The following METTL15 variants were observed in gnomAD, a reference collection of about 807,000 sequenced individuals.
The protein encoded by METTL15 is 12S rRNA N(4)-cytidine methyltransferase METTL15.
Under a neutral mutation model 38.3 loss-of-function variants are expected in METTL15, and 34 were observed. That is an observed-to-expected ratio of 0.89 (90% CI 0.68 to 1.18). The LOEUF (loss-of-function observed/expected upper bound fraction) is 1.18, where lower values mean the gene tolerates loss of function less well. Ranked by LOEUF, METTL15 falls within the 50% of genes most tolerant of loss-of-function variation. The probability of loss-of-function intolerance (pLI) is 0.00; values close to 1 mark genes in which losing one functional copy is unlikely to be tolerated. For synonymous variants in METTL15, 162 were observed against 170.9 expected (o/e 0.95, Z 0.41); for missense variants, 438 against 498.4 (o/e 0.88, Z 1.15).
chr11:28,346,401 CA>C lies in METTL15; in HGVS notation c.*190-5684del, dbSNP rs749715853. On this transcript the variant is annotated intron_variant and NMD_transcript_variant, in intron 3 of 7. Coordinates refer to the METTL15 transcript ENST00000532947. ...TTACAGTGTTAATTGCATTACTCAC[CA>C]AAAATGCAATGAGTCATATTTTATA... Among the ~76,000 whole-genome samples, 5 of 152,108 alleles carry C rather than the reference CA, an allele frequency of 3.3e-5. No individual in the cohort carries two copies. The South Asian group carries it at 8.3e-4, about 25-fold the overall frequency.
intron 4 of METTL15, among the ~76,000 whole-genome samples, chr11:28,230,365 G>T (rs1853638585): frequency 6.6e-6 from 1 of 151,800 alleles, no homozygotes; most frequent in South Asian, 2.1e-4. Flanking sequence ...TATTTGAAAT[G>T]CAAATGATAT....
intron 6 of METTL15, among the ~76,000 whole-genome samples, chr11:28,474,518 A>C (rs189777627): frequency 1.6e-3 from 251 of 152,276 alleles, no homozygotes; most frequent in African/African-American, 5.7e-3. Context: ...CCCAAGCAGC[A>C]AAATCCAGCT....
chr11:28,146,575 A>G (rs556312580), intron 3 of METTL15, among the ~76,000 whole-genome samples: 1 of 152,072 alleles, frequency 6.6e-6, no homozygotes, highest in South Asian at 2.1e-4. Context: ...GAATCCTGTA[A>G]TGAACCCTGT....
intron 3 of METTL15, among the ~76,000 whole-genome samples, chr11:28,197,738 A>G (rs968392574): frequency 3.9e-5 from 6 of 152,092 alleles, no homozygotes; most frequent in African/African-American, 1.4e-4. Context: ...GCACACATAG[A>G]CACTCTGGGT....
chr11:28,525,009 T>A (rs1851797379), intron 6 of METTL15, among the ~76,000 whole-genome samples: 1 of 152,022 alleles, frequency 6.6e-6, no homozygotes, highest in Admixed American at 6.6e-5. Context: ...GCGGTGAGTG[T>A]TACAGTTCTT....
chr11:28,422,311 A>G (rs1850827340), intron 5 of METTL15, among the ~76,000 whole-genome samples: 1 of 152,062 alleles, frequency 6.6e-6, no homozygotes, highest in South Asian at 2.1e-4. Flanking sequence ...TACCAATGAC[A>G]TTCTTCACAG....
intron 4 of METTL15, among the ~76,000 whole-genome samples, chr11:28,246,335 T>C (rs1157493265): frequency 1.3e-5 from 2 of 152,180 alleles, no homozygotes; most frequent in Non-Finnish European, 2.9e-5. Flanking sequence ...ATTTATCCTT[T>C]TATTTAGTAT....
At chr11:28,292,186 C>T (rs1856543809) in intron 5 of METTL15, among the ~76,000 whole-genome samples, 1 of 149,304 alleles carries the variant, frequency 6.7e-6, no homozygotes, top group Non-Finnish European at 1.5e-5. Context: ...TTAGGTATAT[C>T]TCCTAATGCT....
At chr11:28,272,744 C>G (rs976537941) in intron 4 of METTL15, among the ~76,000 whole-genome samples, 2 of 152,110 alleles carry the variant, frequency 1.3e-5, no homozygotes, top group Non-Finnish European at 2.9e-5. Context: ...ATTACTATAT[C>G]AAGCAGTTGC....
At chr11:28,206,461 G>A (rs965793710) in intron 3 of METTL15, among the ~76,000 whole-genome samples, 10 of 151,996 alleles carry the variant, frequency 6.6e-5, no homozygotes, top group East Asian at 1.9e-4. Flanking sequence ...TGTTCCATTG[G>A]TCTATATCTC....
At chr11:28,307,077 T>G (rs1195720540) in intron 6 of METTL15, among the ~76,000 whole-genome samples, 1 of 151,960 alleles carries the variant, frequency 6.6e-6, no homozygotes, top group Non-Finnish European at 1.5e-5. Flanking sequence ...ATCACTGTAA[T>G]CTTCAGATGA....
At chr11:28,405,286 A>G (rs1850664222) in intron 5 of METTL15, among the ~76,000 whole-genome samples, 1 of 152,212 alleles carries the variant, frequency 6.6e-6, no homozygotes. Context: ...TAACAGGAAT[A>G]TAGATCAATC....
chr11:28,425,445 A>T (rs1850855485), intron 6 of METTL15, among the ~76,000 whole-genome samples: 1 of 152,162 alleles, frequency 6.6e-6, no homozygotes, highest in Non-Finnish European at 1.5e-5. Context: ...ATCGTTTTAT[A>T]TACTCTAAAC....
intron 4 of METTL15, among the ~76,000 whole-genome samples, chr11:28,242,198 C>A (rs1381648064): frequency 6.6e-6 from 1 of 152,158 alleles, no homozygotes; most frequent in Non-Finnish European, 1.5e-5. Context: ...TTAGCATATA[C>A]TTATTTGTCA....
intron 4 of METTL15, among the ~76,000 whole-genome samples, chr11:28,217,940 C>G (rs1369678757): frequency 2.0e-5 from 3 of 152,066 alleles, no homozygotes; most frequent in Non-Finnish European, 2.9e-5. Context: ...GTACCAGTAC[C>G]ATGCTGTTTT....
At chr11:28,480,310 C>T (rs556005869) in intron 6 of METTL15, among the ~76,000 whole-genome samples, 13 of 152,266 alleles carry the variant, frequency 8.5e-5, no homozygotes, top group Admixed American at 2.6e-4. Context: ...ACCAACACAA[C>T]GTTACTGAAT....
intron 3 of METTL15, among the ~76,000 whole-genome samples, chr11:28,151,006 C>CAAAAAAAAAA: frequency 1.2e-5 from 1 of 84,530 alleles, no homozygotes; most frequent in Non-Finnish European, 2.5e-5. Flanking sequence ...CAACAGTGAC[C>CAAAAAAAAAA]AAAAAAAAAA....
At chr11:28,421,350 C>T (rs923724092) in intron 5 of METTL15, among the ~76,000 whole-genome samples, 4 of 151,694 alleles carry the variant, frequency 2.6e-5, no homozygotes, top group Non-Finnish European at 5.9e-5. Flanking sequence ...GTAATACTTC[C>T]AAACTCATTC....
intron 3 of METTL15, among the ~76,000 whole-genome samples, chr11:28,151,285 G>T (rs1272579434): frequency 6.6e-6 from 1 of 151,794 alleles, no homozygotes; most frequent in Non-Finnish European, 1.5e-5. Context: ...AAAACATCAT[G>T]TGCCCACCTT....
Sources: allele counts gnomAD v4.1 joint callset (sites outside exome capture counted in the v4.1 genomes callset), GRCh38; gene constraint gnomAD v4.1.1; transcripts MANE v1.5; gene names NCBI Gene and HGNC (gene_info 2026-07-23, HGNC 2026-07-21).